The following INKA2 variants were observed in gnomAD, a reference collection of about 807,000 sequenced individuals.
INKA2 encodes the protein inka box actin regulator 2, also known as PAK4-inhibitor INKA2.
Under a neutral mutation model 9.8 loss-of-function variants are expected in INKA2, and 3 were observed. The observed-to-expected ratio is 0.31, with a 90% CI of 0.14 to 0.79. INKA2 has a LOEUF of 0.79. Among genes scored for constraint, INKA2 ranks in the 30% least tolerant of loss-of-function variants. The probability of loss-of-function intolerance (pLI) is 0.62; values close to 1 mark genes in which losing one functional copy is unlikely to be tolerated. For missense variants in INKA2, 392 were observed against 384.4 expected (o/e 1.02, Z -0.17); for synonymous variants, 147 against 143.3 (o/e 1.03, Z -0.18).
intron 1 of INKA2, among the ~76,000 whole-genome samples, chr1:111,748,496 A>G (rs1663322772): frequency 6.6e-6 from 1 of 152,212 alleles, no homozygotes; most frequent in Admixed American, 6.5e-5. Context: ...GCCTACTGGG[A>G]GGCAGCAGTT....
Position 111,745,231 on chromosome 1 carries a change from T to TATATACACACACACACAC in INKA2, n.124+10469_124+10470insGTGTGTGTGTGTGTATAT, listed in dbSNP as rs1356034280. ...CATTTACTGGAAAGGCAAGCAAATA[T>TATATACACACACACACAC]ACACACACACACACACACACACACA... On this transcript the variant is annotated intron_variant and non_coding_transcript_variant, in intron 1 of 1. Coordinates refer to the INKA2 transcript ENST00000444059. 203 of 112,722 alleles carry TATATACACACACACACAC rather than the reference T, an allele frequency of 1.8e-3. 1 individual carries two copies. The highest frequency in any genetic ancestry group is 9.5e-3 in the Middle Eastern group (2 of 210). The allele number at this position is 112,722 out of a possible 1,614,324, so 7.0% of individuals were successfully genotyped here.
chr1:111,755,505 G>C, intron 1 of INKA2: 1 of 614,062 alleles, frequency 1.6e-6, no homozygotes, highest in Admixed American at 3.3e-5. Flanking sequence ...GCCGCGAAGC[G>C]AGACAGGCCA....
At chr1:111,751,151 G>A (rs1328097288) in intron 1 of INKA2, among the ~76,000 whole-genome samples, 1 of 152,194 alleles carries the variant, frequency 6.6e-6, no homozygotes, top group Non-Finnish European at 1.5e-5. Context: ...TGGCAGAAGT[G>A]CTGGACTCCA....
chr1:111,754,692 C>T (rs1018312731), intron 1 of INKA2: 1 of 152,100 alleles, frequency 6.6e-6, no homozygotes, highest in African/African-American at 2.4e-5. Context: ...TGGCTGAGGT[C>T]CAGAAATATT....
At chr1:111,750,921 C>T (rs1464668226) in intron 1 of INKA2, among the ~76,000 whole-genome samples, 1 of 152,228 alleles carries the variant, frequency 6.6e-6, no homozygotes. Context: ...CCTCTACTCA[C>T]AGTAAAAGAC....
intron 1 of INKA2, among the ~76,000 whole-genome samples, chr1:111,736,780 G>A (rs759060955): frequency 6.6e-6 from 1 of 152,156 alleles, no homozygotes; most frequent in Non-Finnish European, 1.5e-5. Context: ...CAGACCTAGG[G>A]TATTAAGTCA....
rs567484406 is a variant in INKA2, at chr1:111,751,358, T to A, written n.124+4343A>T. Among the ~76,000 whole-genome samples, 8 of 152,340 alleles carry A rather than the reference T, an allele frequency of 5.3e-5. No homozygotes were observed. The South Asian group carries it at 1.7e-3, about 32-fold the overall frequency. On this transcript the variant is annotated intron_variant and non_coding_transcript_variant, in intron 1 of 1. Transcript: ENST00000444059. ...CCACGACAGCCACACTTTGAACAAC[T>A]AAGGCCCTGAAAAAATGTCAGTACT... is the stretch of plus-strand genomic sequence containing the variant.
upstream of INKA2, among the ~76,000 whole-genome samples, chr1:111,739,624 G>A (rs1372487206): frequency 1.3e-5 from 2 of 152,244 alleles, no homozygotes; most frequent in Non-Finnish European, 2.9e-5. Context: ...AGGGCATCGT[G>A]ACTCCAGGCT....
intron 1 of INKA2, among the ~76,000 whole-genome samples, chr1:111,728,026 T>C (rs1046808280): frequency 7.8e-6 from 1 of 127,962 alleles, no homozygotes; most frequent in African/African-American, 3.1e-5. Flanking sequence ...CTGAGAAGGC[T>C]CCCCCACCCC....
At position 111,727,038 on chromosome 1, in the gene INKA2, G is replaced by C; in HGVS notation, c.824C>G (p.Pro275Arg). ...TGEHRRGENP[P>R]TSCPKALEHS... Reference sequence around the variant, plus strand: ...CTCCAGGGCCTTGGGGCAGCTTGTGGGGGGATTCTCCCCTCGCCTGTGCTC... The same window carrying C: ...CTCCAGGGCCTTGGGGCAGCTTGTGCGGGGATTCTCCCCTCGCCTGTGCTC... The change falls in exon 2 of 2, where the codon CCC becomes CGC. Residue 275 changes from proline (P) to arginine (R), a missense_variant. Transcript: ENST00000357260. 1.4e-5 allele frequency: 22 copies of C among 1,614,032 alleles called. No homozygotes were observed. Among genetic ancestry groups the C allele is most frequent in the Non-Finnish European group, 1.9e-5 (22 of 1,180,018 alleles).
At chr1:111,740,081 A>C (rs1375988835), upstream of INKA2, 4 of 151,842 alleles carry the variant, frequency 2.6e-5, no homozygotes, top group Non-Finnish European at 5.9e-5. Flanking sequence ...TAAACAGGTA[A>C]ACACACACAC....
Position 111,726,463 on chromosome 1 carries a change from C to T in INKA2, c.*505G>A, listed in dbSNP as rs566907690. The T allele has an allele frequency of 3.9e-5, 8 of 206,084 alleles. No homozygotes were observed. The highest frequency in any genetic ancestry group is 1.6e-4 in the African/African-American group (7 of 43,390). 12.8% of individuals were successfully genotyped at this position (206,084 alleles called of 1,614,324 possible). A position where few individuals can be genotyped will look rare whatever the true frequency, so the allele number is the denominator to read the frequency against. On this transcript the variant is annotated 3_prime_UTR_variant, in exon 2 of 2. Coordinates refer to ENST00000357260, the MANE Select transcript of INKA2 (RefSeq NM_019099.5). Reference sequence around the variant, plus strand: ...GTCCCAGGAGGCCTGGGGTTCAGTCCCTGTGCCTGGAGCAATGTCTTGCCA... The same window carrying T: ...GTCCCAGGAGGCCTGGGGTTCAGTCTCTGTGCCTGGAGCAATGTCTTGCCA...
Position 111,726,700 on chromosome 1 carries a change from G to C in INKA2, c.*268C>G, listed in dbSNP as rs1022790943. On this transcript the variant is annotated 3_prime_UTR_variant, in exon 2 of 2. Coordinates refer to ENST00000357260, the MANE Select transcript of INKA2 (RefSeq NM_019099.5). ...AAAGTGAGTGCATGCATGCCAGACA[G>C]ACACACACATGCACACACACACACA... 1.0e-4 allele frequency: 48 copies of C among 482,182 alleles called. 1 individual carries two copies. Among genetic ancestry groups the C allele is most frequent in the Admixed American group, 1.5e-4 (4 of 26,284 alleles). The allele number at this position is 482,182 out of a possible 1,614,324, so 29.9% of individuals were successfully genotyped here. A position where few individuals can be genotyped will look rare whatever the true frequency, so the allele number is the denominator to read the frequency against.
Position 111,727,688 on chromosome 1 carries a change from A to G in INKA2, c.174T>C (p.Ser58=), listed in dbSNP as rs1662818513. Residue 58 remains serine (S), a synonymous_variant, in exon 2 of 2, where the codon TCT becomes TCC. Coordinates refer to ENST00000357260, the MANE Select transcript of INKA2 (RefSeq NM_019099.5). ...VQTALEQLEI[S]GGGPVPGSPE... is the part of the protein sequence containing the mutation. ...GGCTGCCTGGCACAGGACCCCCTCC[A>G]GAGATCTCCAGCTGTTCCAGTGCTG... is the stretch of plus-strand genomic sequence containing the variant. 1 of 1,613,248 alleles carries G rather than the reference A, an allele frequency of 6.2e-7. No individual in the cohort carries two copies.
chr1:111,738,405 C>CA (rs999765671), intron 1 of INKA2, among the ~76,000 whole-genome samples: 1 of 151,974 alleles, frequency 6.6e-6, no homozygotes. Context: ...TCCACCCCCC[C>CA]AGACTGAGCT....
Position 111,726,724 on chromosome 1 carries a change from C to G in INKA2, c.*244G>C, listed in dbSNP as rs1662778869. 1 of 560,004 alleles carries G rather than the reference C, an allele frequency of 1.8e-6. No individual in the cohort carries two copies. The highest frequency in any genetic ancestry group is 1.9e-5 in the African/African-American group (1 of 53,038). The allele number at this position is 560,004 out of a possible 1,614,324, so 34.7% of individuals were successfully genotyped here. ...AGACACACACATGCACACACACACA[C>G]ACACACGCACAGCTCACTCTCCAGC... On this transcript the variant is annotated 3_prime_UTR_variant, in exon 2 of 2. Coordinates refer to ENST00000357260, the MANE Select transcript of INKA2 (RefSeq NM_019099.5).
chr1:111,752,508 A>G (rs988047222), intron 1 of INKA2, among the ~76,000 whole-genome samples: 2 of 152,212 alleles, frequency 1.3e-5, no homozygotes, highest in Non-Finnish European at 2.9e-5. Flanking sequence ...TTGAATGATT[A>G]GAGATGTTTT....
At chr1:111,730,678 C>T (rs1571591678) in intron 1 of INKA2, among the ~76,000 whole-genome samples, 1 of 152,242 alleles carries the variant, frequency 6.6e-6, no homozygotes, top group African/African-American at 2.4e-5. Flanking sequence ...TTAATATACT[C>T]TTCCCTGTAG....
upstream of INKA2, among the ~76,000 whole-genome samples, chr1:111,741,859 G>C (rs539342004): frequency 6.6e-6 from 1 of 152,306 alleles, no homozygotes; most frequent in East Asian, 1.9e-4. Context: ...GGGATTACAG[G>C]CGCATGCCAT....
Sources: gnomAD v4.1 joint callset for allele counts (sites outside exome capture counted in the v4.1 genomes callset) on GRCh38, gnomAD v4.1.1 for gene constraint, MANE v1.5 for transcripts, NCBI Gene and HGNC (gene_info 2026-07-23, HGNC 2026-07-21) for gene names.